The following OTUD7A variants were observed in gnomAD, a reference collection of about 807,000 sequenced individuals.
OTUD7A encodes the protein OTU domain-containing protein 7A.
OTUD7A carries 12 observed loss-of-function variants against 65.7 expected under a neutral mutation model. The observed-to-expected ratio is 0.18, with a 90% CI of 0.12 to 0.30. The LOEUF (loss-of-function observed/expected upper bound fraction) is 0.30. Ranked by LOEUF, OTUD7A falls within the 10% of genes least tolerant of loss-of-function variation. OTUD7A has a pLI of 1.00. For missense variants in OTUD7A, 1,148 were observed against 1,304.8 expected (o/e 0.88, Z 1.85); for synonymous variants, 641 against 586.3 (o/e 1.09, Z -1.35).
chr15:31,650,920 TG>T (rs1891815307), intron 3 of OTUD7A, among the ~76,000 whole-genome samples: 1 of 133,176 alleles, frequency 7.5e-6, no homozygotes, highest in East Asian at 2.1e-4. Flanking sequence ...ATATTAGAAA[TG>T]AAAAAAATCA....
chr15:31,769,966 T>A lies in OTUD7A; in HGVS notation c.-100+100541A>T, dbSNP rs118009505. 5.3e-4 allele frequency among the ~76,000 whole-genome samples: 80 copies of A among 152,148 alleles called. No individual in the cohort carries two copies. In the East Asian group the frequency reaches 0.014, roughly 26 times the overall value. On this transcript the variant is annotated intron_variant, in intron 1 of 12. Coordinates refer to ENST00000307050, the MANE Select transcript of OTUD7A (RefSeq NM_001382637.1). ...AAAGTCAATTTTGCGGTATGCCAAT[T>A]CAAAAAATAAAATTAAAAATGTAAC...
chr15:31,584,568 G>A (rs917384945), intron 3 of OTUD7A, among the ~76,000 whole-genome samples: 1 of 152,202 alleles, frequency 6.6e-6, no homozygotes, highest in Non-Finnish European at 1.5e-5. Context: ...AACCCAGCTT[G>A]TTTTGGAATC....
chr15:31,869,540 G>A lies in OTUD7A; in HGVS notation c.-100+967C>T, dbSNP rs111455765. On this transcript the variant is annotated intron_variant, in intron 1 of 12. Transcript: ENST00000307050. ...AGGTATCACCTGGCGGTAACCATGT[G>A]CATGTCATACATGACTTTCCCCTGG... 4.8e-3 allele frequency among the ~76,000 whole-genome samples: 738 copies of A among 152,312 alleles called. 4 individuals carry two copies. Among genetic ancestry groups the A allele is most frequent in the African/African-American group, 0.017 (707 of 41,550 alleles).
intron 3 of OTUD7A, among the ~76,000 whole-genome samples, chr15:31,603,532 G>A (rs564773636): frequency 2.0e-5 from 3 of 152,212 alleles, no homozygotes; most frequent in African/African-American, 4.8e-5. Flanking sequence ...ACATAGGCAC[G>A]GGCAAAGACT....
intron 9 of OTUD7A, among the ~76,000 whole-genome samples, 160 bp downstream of exon 9, chr15:31,503,531 T>G (rs1259823004): frequency 1.3e-5 from 2 of 152,218 alleles, no homozygotes; most frequent in African/African-American, 4.8e-5. Flanking sequence ...CAATCTCTGC[T>G]GCCATCAGGG....
intron 1 of OTUD7A, among the ~76,000 whole-genome samples, chr15:31,709,453 G>A (rs1479746827): frequency 4.6e-5 from 7 of 152,096 alleles, no homozygotes; most frequent in Non-Finnish European, 8.8e-5. Flanking sequence ...TGAGATCCCC[G>A]GATACACTTG....
At chr15:31,796,662 A>T (rs1895969740) in intron 1 of OTUD7A, among the ~76,000 whole-genome samples, 1 of 152,238 alleles carries the variant, frequency 6.6e-6, no homozygotes. Context: ...GTAGCCACCA[A>T]GTCAATGGTG....
intron 1 of OTUD7A, among the ~76,000 whole-genome samples, chr15:31,731,365 C>T (rs1894037461): frequency 6.6e-6 from 1 of 152,160 alleles, no homozygotes; most frequent in South Asian, 2.1e-4. Context: ...GTGGTACATA[C>T]AGACAATAGA....
At position 31,683,631 on chromosome 15, in the gene OTUD7A, A is replaced by G. The variant is rs147152017; in HGVS notation, c.-99-26554T>C. The stretch of plus-strand genomic sequence containing the variant: ...AAAAAAGGATAGGTACCTCATAAAT[A>G]TATACATCTACTATACACCCACAGA... On this transcript the variant is annotated intron_variant, in intron 1 of 12. Transcript: ENST00000307050. 4.1e-3 allele frequency among the ~76,000 whole-genome samples: 621 copies of G among 152,310 alleles called. 13 individuals carry two copies. Among genetic ancestry groups the G allele is most frequent in the Admixed American group, 0.038 (578 of 15,292 alleles).
chr15:31,742,346 CAAGG>C (rs1165688894), intron 1 of OTUD7A, among the ~76,000 whole-genome samples: 19 of 152,076 alleles, frequency 1.2e-4, no homozygotes, highest in Admixed American at 1.1e-3. Context: ...TACAGGAATG[CAAGG>C]ATGGTTTAAC....
chr15:31,724,163 C>A (rs1279996664), intron 1 of OTUD7A, among the ~76,000 whole-genome samples: 3 of 152,080 alleles, frequency 2.0e-5, no homozygotes, highest in African/African-American at 7.2e-5. Context: ...CTGTGTATTA[C>A]GGGCATTACA....
chr15:31,808,136 C>CACACACACACACAAAAAAA (rs772574742), intron 1 of OTUD7A, among the ~76,000 whole-genome samples: 7 of 119,508 alleles, frequency 5.9e-5, no homozygotes, highest in South Asian at 2.5e-4. Context: ...CACACACACA[C>CACACACACACACAAAAAAA]AAACAAATCC....
chr15:31,605,755 C>T (rs1356634801), intron 3 of OTUD7A, among the ~76,000 whole-genome samples: 1 of 152,242 alleles, frequency 6.6e-6, no homozygotes, highest in Non-Finnish European at 1.5e-5. Flanking sequence ...CCAGTGACTG[C>T]ATTCCTGTGA....
chr15:31,799,124 T>G (rs910023580), intron 1 of OTUD7A, among the ~76,000 whole-genome samples: 1 of 152,050 alleles, frequency 6.6e-6, no homozygotes, highest in East Asian at 1.9e-4. Context: ...GGTGGATCCT[T>G]GAACAGAGAG....
Position 31,483,457 on chromosome 15 carries a change from C to A in OTUD7A, c.2639G>T (p.Arg880Leu). ...EFADADAPTA[R>L]SNGECGRGGP... ...GCCACGGCCGCACTCACCGTTCGAGCGCGCGGTCGGCGCGTCGGCGTCGGC... is the reference window on the plus strand; with the variant it reads ...GCCACGGCCGCACTCACCGTTCGAGAGCGCGGTCGGCGCGTCGGCGTCGGC... The change falls in exon 13 of 13, where the codon CGC becomes CTC. Residue 880 changes from arginine (R) to leucine (L), a missense_variant. Physicochemically the swap from Arg to Leu is moderately radical, Grantham distance 102. Coordinates refer to ENST00000307050, the MANE Select transcript of OTUD7A (RefSeq NM_001382637.1). 2 of 1,379,842 alleles carry A rather than the reference C, an allele frequency of 1.4e-6. No homozygotes were observed. The highest frequency in any genetic ancestry group is 9.4e-7 in the Non-Finnish European group (1 of 1,066,878). 85.5% of individuals were successfully genotyped at this position (1,379,842 alleles called of 1,614,324 possible). A position where few individuals can be genotyped will look rare whatever the true frequency, so the allele number is the denominator to read the frequency against.
Position 31,607,092 on chromosome 15 carries a change from G to A in OTUD7A, c.152-36895C>T, listed in dbSNP as rs756619972. On this transcript the variant is annotated intron_variant, in intron 3 of 12. Coordinates refer to ENST00000307050, the MANE Select transcript of OTUD7A (RefSeq NM_001382637.1). ...GATGACATCAGAGAGTATAAAGGCA[G>A]TGAGGAATGTTAAGCTGAGAACTAG... Among the ~76,000 whole-genome samples, 36 of 152,244 alleles carry A rather than the reference G, an allele frequency of 2.4e-4. 1 individual carries two copies. Among genetic ancestry groups the A allele is most frequent in the Non-Finnish European group, 2.2e-4 (15 of 68,054 alleles).
At chr15:31,598,252 G>A (rs1164407673) in intron 3 of OTUD7A, among the ~76,000 whole-genome samples, 1 of 152,254 alleles carries the variant, frequency 6.6e-6, no homozygotes, top group Admixed American at 6.5e-5. Flanking sequence ...GCAGTTCCCA[G>A]TGAGATCGAC....
At chr15:31,575,420 T>A (rs1454982070) in intron 3 of OTUD7A, among the ~76,000 whole-genome samples, 2 of 152,170 alleles carry the variant, frequency 1.3e-5, no homozygotes, top group Non-Finnish European at 2.9e-5. Context: ...AGAAACTTTA[T>A]AAAGTGGAAA....
chr15:31,615,379 GA>G (rs778172788), intron 3 of OTUD7A, among the ~76,000 whole-genome samples: 2 of 152,078 alleles, frequency 1.3e-5, no homozygotes, highest in Admixed American at 6.6e-5. Context: ...AGTAATGACA[GA>G]AAAAAGTTTA....
Sources: allele counts gnomAD v4.1 joint callset (sites outside exome capture counted in the v4.1 genomes callset), GRCh38; gene constraint gnomAD v4.1.1; transcripts MANE v1.5; gene names NCBI Gene and HGNC (gene_info 2026-07-23, HGNC 2026-07-21).